Variants in NRXN1 observed in about 807,000 individuals in gnomAD.
NRXN1 encodes the protein neurexin 1, also known as neurexin-1.
NRXN1 carries 39 observed loss-of-function variants against 150.9 expected under a neutral mutation model. That is an observed-to-expected ratio of 0.26 (90% CI 0.20 to 0.34). The LOEUF (loss-of-function observed/expected upper bound fraction) is 0.34, where lower values mean the gene tolerates loss of function less well. Among genes scored for constraint, NRXN1 ranks in the 10% least tolerant of loss-of-function variants. The pLI, the probability that NRXN1 is intolerant of heterozygous loss-of-function variation, is 1.00. For missense variants in NRXN1, 1,815 were observed against 1,949.9 expected (o/e 0.93, Z 1.30); for synonymous variants, 924 against 757.0 (o/e 1.22, Z -3.62).
chr2:50,594,807 C>T (rs1181415855), intron 8 of NRXN1, among the ~76,000 whole-genome samples: 3 of 152,058 alleles, frequency 2.0e-5, no homozygotes, highest in South Asian at 2.1e-4. Context: ...TTCACCACAG[C>T]GTGTTTTTAC....
intron 5 of NRXN1, among the ~76,000 whole-genome samples, chr2:50,661,568 G>A (rs1409707811): frequency 1.3e-5 from 2 of 151,968 alleles, no homozygotes; most frequent in Non-Finnish European, 2.9e-5. Context: ...CAGCTGTTTA[G>A]ACACATAGCC....
At chr2:50,578,758 T>A (rs1360673802) in intron 8 of NRXN1, among the ~76,000 whole-genome samples, 1 of 151,970 alleles carries the variant, frequency 6.6e-6, no homozygotes, top group South Asian at 2.1e-4. Flanking sequence ...TAGATCTAGA[T>A]AGATAAAAAG....
intron 18 of NRXN1, among the ~76,000 whole-genome samples, chr2:50,196,716 G>T (rs1163442998): frequency 1.3e-5 from 2 of 152,036 alleles, no homozygotes; most frequent in Non-Finnish European, 2.9e-5. Flanking sequence ...ATTTTAAAAT[G>T]TTTTGCAGCC....
At chr2:49,980,597 T>C (rs775250427) in intron 21 of NRXN1, among the ~76,000 whole-genome samples, 3 of 152,122 alleles carry the variant, frequency 2.0e-5, no homozygotes, top group Non-Finnish European at 4.4e-5. Context: ...TGAAGTATTT[T>C]AGTTGAAAAT....
chr2:50,478,596 G>A (rs1456525587), intron 15 of NRXN1, among the ~76,000 whole-genome samples: 5 of 152,114 alleles, frequency 3.3e-5, no homozygotes, highest in Non-Finnish European at 7.4e-5. Flanking sequence ...GTCTCCCTTG[G>A]TACATAAAAG....
At chr2:50,012,129 T>C (rs1314601460) in intron 21 of NRXN1, among the ~76,000 whole-genome samples, 1 of 152,132 alleles carries the variant, frequency 6.6e-6, no homozygotes, top group Non-Finnish European at 1.5e-5. Context: ...CAATAATGGT[T>C]CATGGACAAC....
chr2:50,939,553 C>G (rs1208759707), intron 2 of NRXN1, among the ~76,000 whole-genome samples: 7 of 151,956 alleles, frequency 4.6e-5, no homozygotes, highest in Admixed American at 6.6e-5. Flanking sequence ...TGATCTCAAG[C>G]AACTTTTCTT....
intron 18 of NRXN1, among the ~76,000 whole-genome samples, chr2:50,106,579 A>G (rs1285919199): frequency 6.6e-6 from 1 of 152,026 alleles, no homozygotes; most frequent in African/African-American, 2.4e-5. Context: ...TAGGGCCAAG[A>G]TGAACAAATG....
intron 2 of NRXN1, among the ~76,000 whole-genome samples, chr2:50,938,527 T>C (rs761787061): frequency 6.6e-6 from 1 of 152,194 alleles, no homozygotes; most frequent in Non-Finnish European, 1.5e-5. Flanking sequence ...AGTTCCAAAG[T>C]TTCTTCCACA....
At chr2:50,023,046 G>C (rs548987853) in intron 21 of NRXN1, 1 of 152,174 alleles carries the variant, frequency 6.6e-6, no homozygotes, top group Non-Finnish European at 1.5e-5. Flanking sequence ...GATACCCAGG[G>C]AAGAAACAAG....
intron 19 of NRXN1, among the ~76,000 whole-genome samples, chr2:50,064,249 T>C (rs575126165): frequency 1.3e-5 from 2 of 151,910 alleles, no homozygotes; most frequent in Admixed American, 6.6e-5. Context: ...ATTATATATA[T>C]AAAATGACTC....
At chr2:50,357,662 G>T (rs912005089) in intron 17 of NRXN1, among the ~76,000 whole-genome samples, 1 of 152,056 alleles carries the variant, frequency 6.6e-6, no homozygotes, top group South Asian at 2.1e-4. Flanking sequence ...GCAAATTTCC[G>T]ATTTTCTGTG....
intron 8 of NRXN1, among the ~76,000 whole-genome samples, chr2:50,592,785 T>C (rs1371045528): frequency 2.6e-5 from 4 of 152,162 alleles, no homozygotes; most frequent in Admixed American, 1.3e-4. Context: ...AACCCTTGTG[T>C]ATAGTTTGAG....
chr2:50,814,532 T>C (rs1255019931), intron 5 of NRXN1, among the ~76,000 whole-genome samples: 1 of 152,066 alleles, frequency 6.6e-6, no homozygotes, highest in Non-Finnish European at 1.5e-5. Context: ...AGAAGAACCC[T>C]GGGGAACAAT....
intron 5 of NRXN1, among the ~76,000 whole-genome samples, chr2:50,837,282 C>T (rs937225700): frequency 6.6e-6 from 1 of 151,952 alleles, no homozygotes; most frequent in African/African-American, 2.4e-5. Flanking sequence ...TTGTGCTTAC[C>T]CCTTTAAAAT....
intron 5 of NRXN1, among the ~76,000 whole-genome samples, chr2:50,795,330 T>C (rs1431245527): frequency 1.3e-5 from 2 of 152,130 alleles, no homozygotes; most frequent in Admixed American, 6.6e-5. Flanking sequence ...CCCAATTTTC[T>C]TCATGATTCA....
intron 5 of NRXN1, among the ~76,000 whole-genome samples, chr2:50,916,206 T>A (rs200066779): frequency 6.6e-6 from 1 of 150,904 alleles, no homozygotes; most frequent in East Asian, 2.0e-4. Flanking sequence ...GATAGTTATT[T>A]TGGTTCAAAA....
intron 17 of NRXN1, among the ~76,000 whole-genome samples, chr2:50,406,313 G>C (rs1024314694): frequency 6.6e-6 from 1 of 152,024 alleles, no homozygotes; most frequent in African/African-American, 2.4e-5. Flanking sequence ...GGAAAAAAAA[G>C]AATAAAAAGT....
At chr2:50,297,587 T>G (rs2073738053) in intron 17 of NRXN1, among the ~76,000 whole-genome samples, 1 of 152,210 alleles carries the variant, frequency 6.6e-6, no homozygotes, top group Non-Finnish European at 1.5e-5. Flanking sequence ...ATTTCAACGT[T>G]TGCATTCTCT....
Sources: gnomAD v4.1 joint callset for allele counts (sites outside exome capture counted in the v4.1 genomes callset) on GRCh38, gnomAD v4.1.1 for gene constraint, MANE v1.5 for transcripts, NCBI Gene and HGNC (gene_info 2026-07-23, HGNC 2026-07-21) for gene names.